Variants in CFAP58 observed in about 807,000 individuals in gnomAD.
CFAP58 encodes the protein cilia and flagella associated protein 58.
CFAP58 carries 88 observed loss-of-function variants against 119.5 expected under a neutral mutation model. The ratio of observed to expected loss-of-function variants is 0.74; its 90% CI spans 0.62 to 0.88. The LOEUF (loss-of-function observed/expected upper bound fraction) is 0.88, where lower values mean the gene tolerates loss of function less well. Ranked by LOEUF, CFAP58 falls within the 40% of genes least tolerant of loss-of-function variation. CFAP58 has a pLI of 0.00. For synonymous variants in CFAP58, 365 were observed against 366.3 expected (o/e 1.00, Z 0.04); for missense variants, 990 against 1,021.2 (o/e 0.97, Z 0.42).
chr10:104,344,102 G>T, the CFAP58 span, among the ~76,000 whole-genome samples: 1 of 152,082 alleles, frequency 6.6e-6, no homozygotes, highest in South Asian at 2.1e-4. Context: ...AACTGTTATT[G>T]GTTTATGTAT....
chr10:104,348,050 T>C, the CFAP58 span, among the ~76,000 whole-genome samples: 2 of 151,174 alleles, frequency 1.3e-5, no homozygotes, highest in African/African-American at 4.9e-5. Context: ...ATAATAGAAC[T>C]GGCTTCATGT....
At chr10:104,356,168 C>A (rs2014540177) in intron 1 of CFAP58, among the ~76,000 whole-genome samples, 1 of 152,164 alleles carries the variant, frequency 6.6e-6, no homozygotes. Context: ...AAAATTAGTA[C>A]TAAAGTTGTT....
intron 15 of CFAP58, among the ~76,000 whole-genome samples, chr10:104,413,592 T>C (rs1281287005): frequency 6.6e-6 from 1 of 152,132 alleles, no homozygotes; most frequent in Non-Finnish European, 1.5e-5. Flanking sequence ...CATTTGTTCC[T>C]CCTCTCATCT....
chr10:104,353,692 A>C, upstream of CFAP58: 1 of 550,068 alleles, frequency 1.8e-6, no homozygotes, highest in South Asian at 2.3e-5. Context: ...TGCCAGCCGC[A>C]GAAGCTCCTC....
intron 15 of CFAP58, among the ~76,000 whole-genome samples, chr10:104,434,489 C>T (rs1056319667): frequency 6.6e-6 from 1 of 152,158 alleles, no homozygotes; most frequent in Admixed American, 6.5e-5. Flanking sequence ...CTTTTGGGAC[C>T]ACAGACTGTG....
chr10:104,363,819 A>T (rs150663306), intron 3 of CFAP58, among the ~76,000 whole-genome samples: 4 of 152,362 alleles, frequency 2.6e-5, no homozygotes, highest in Non-Finnish European at 5.9e-5. Context: ...TCGTTTGATG[A>T]CTGTCAGCTG....
In CFAP58 at chr10:104,368,457, A is replaced by G. The variant is rs2014780475; in HGVS notation, c.827A>G (p.Gln276Arg). 1.1e-5 allele frequency: 17 copies of G among 1,613,890 alleles called. No homozygotes were observed. The highest frequency in any genetic ancestry group is 6.7e-5 in the African/African-American group (5 of 74,938). The change falls in exon 6 of 18, where the codon CAA (glutamine) becomes CGA (arginine). Residue 276 changes from glutamine (Q) to arginine (R), a missense_variant. Transcript: ENST00000369704. Reference protein sequence around the residue: ...LNERAAKELEQFQMRNAKLQQ... With the variant: ...LNERAAKELERFQMRNAKLQQ... ...GAGAGAGCTGCAAAGGAACTCGAGC[A>G]ATTTCAGATGAGAAATGCTAAACTT...
At position 104,358,602 on chromosome 10, in the gene CFAP58, A is replaced by T; in HGVS notation, c.271A>T (p.Thr91Ser). 1 of 1,612,600 alleles carries T rather than the reference A, an allele frequency of 6.2e-7. No homozygotes were observed. The highest frequency in any genetic ancestry group is 8.5e-7 in the Non-Finnish European group (1 of 1,178,956). The change falls in exon 2 of 18, where the codon ACC (threonine) becomes TCC (serine). Residue 91 changes from threonine to serine, a missense_variant. Physicochemically the swap from Thr to Ser is moderately conservative, Grantham distance 58. Coordinates refer to ENST00000369704, the MANE Select transcript of CFAP58 (RefSeq NM_001008723.2). Reference protein sequence around the residue: ...ALKLSQDDQTTIASLKKEIEK... With the variant: ...ALKLSQDDQTSIASLKKEIEK... ...TAAGCTCTCTCAGGATGATCAGACC[A>T]CCATTGCATCCCTAAAGAAGGTCAG...
intron 11 of CFAP58, among the ~76,000 whole-genome samples, 162 bp downstream of exon 11, chr10:104,393,637 G>C (rs1276485099): frequency 1.3e-5 from 2 of 152,204 alleles, no homozygotes; most frequent in Non-Finnish European, 2.9e-5. Flanking sequence ...CCAGGAGGAT[G>C]AGCTTTACCA....
At chr10:104,374,132 G>A (rs1470528530) in intron 7 of CFAP58, among the ~76,000 whole-genome samples, 3 of 152,068 alleles carry the variant, frequency 2.0e-5, no homozygotes, top group Non-Finnish European at 4.4e-5. Context: ...GAATGTCAGA[G>A]CTCTTTGTTA....
chr10:104,396,273 TA>T lies in CFAP58; in HGVS notation c.1674+2799del, dbSNP rs58382068. ...AATTCAGCAGCAAATTCTCTGTGTC[TA>T]GAGCTCAGCACCACATTAGAGCCTG... On this transcript the variant is annotated intron_variant, in intron 11 of 17. Transcript: ENST00000369704. 9.5e-3 allele frequency among the ~76,000 whole-genome samples: 1,448 copies of T among 152,146 alleles called. 24 individuals carry two copies. The highest frequency in any genetic ancestry group is 0.033 in the African/African-American group (1,384 of 41,480).
At chr10:104,363,590 G>A (rs189825446) in intron 3 of CFAP58, among the ~76,000 whole-genome samples, 3 of 152,330 alleles carry the variant, frequency 2.0e-5, no homozygotes, top group Admixed American at 2.0e-4. Flanking sequence ...ACAAGCATTG[G>A]AAGAGGGTGA....
At chr10:104,440,609 A>G (rs2013021563) in intron 15 of CFAP58, among the ~76,000 whole-genome samples, 1 of 152,234 alleles carries the variant, frequency 6.6e-6, no homozygotes, top group Non-Finnish European at 1.5e-5. Context: ...TGCGCTTAAC[A>G]GAGGTACATC....
intron 11 of CFAP58, among the ~76,000 whole-genome samples, chr10:104,395,987 G>T (rs2012145474): frequency 6.6e-6 from 1 of 152,082 alleles, no homozygotes; most frequent in Admixed American, 6.5e-5. Context: ...TACTTTTTCT[G>T]TTGCTACCAG....
chr10:104,352,145 T>A (rs2014467442), upstream of CFAP58, among the ~76,000 whole-genome samples: 1 of 152,072 alleles, frequency 6.6e-6, no homozygotes, highest in African/African-American at 2.4e-5. Flanking sequence ...ATTAGATGAG[T>A]CAATATTTGC....
intron 3 of CFAP58, 22 bp from the exon 4 acceptor site, chr10:104,364,711 C>T (rs1218793066): frequency 6.2e-7 from 1 of 1,611,394 alleles, no homozygotes. Flanking sequence ...TTTAGTCTGA[C>T]TCCTGTGTTC....
intron 6 of CFAP58, 128 bp from the exon 7 acceptor site, chr10:104,370,767 T>C: frequency 1.3e-6 from 1 of 779,190 alleles, no homozygotes; most frequent in South Asian, 2.5e-5. Flanking sequence ...GTGCTTGATT[T>C]AATCTCACAG....
At chr10:104,369,495 G>A (rs1171909373) in intron 6 of CFAP58, among the ~76,000 whole-genome samples, 1 of 152,200 alleles carries the variant, frequency 6.6e-6, no homozygotes, top group Non-Finnish European at 1.5e-5. Flanking sequence ...GGGTCTGAGG[G>A]TCTGACGCTG....
chr10:104,392,144 C>A, intron 9 of CFAP58, 89 bp from the exon 10 acceptor site: 1 of 1,140,006 alleles, frequency 8.8e-7, no homozygotes, highest in Non-Finnish European at 1.3e-6. Flanking sequence ...TCTCTACCAG[C>A]CACCCTTAGA....
Sources: allele counts gnomAD v4.1 joint callset (sites outside exome capture counted in the v4.1 genomes callset), GRCh38; gene constraint gnomAD v4.1.1; transcripts MANE v1.5; gene names NCBI Gene and HGNC (gene_info 2026-07-23, HGNC 2026-07-21).